The following PPP2R2B variants were observed in gnomAD, a reference collection of about 807,000 sequenced individuals.
PPP2R2B encodes serine/threonine-protein phosphatase 2A 55 kDa regulatory subunit B beta isoform.
In PPP2R2B, 5 loss-of-function variants were observed where a neutral mutation model predicts 46.0. The observed-to-expected ratio is 0.11, with a 90% CI of 0.06 to 0.23. The LOEUF (loss-of-function observed/expected upper bound fraction) is 0.23. Among genes scored for constraint, PPP2R2B ranks in the 10% least tolerant of loss-of-function variants. PPP2R2B has a pLI of 1.00. For synonymous variants in PPP2R2B, 215 were observed against 206.7 expected (o/e 1.04, Z -0.34); for missense variants, 367 against 575.0 (o/e 0.64, Z 3.70).
At chr5:146,888,715 C>G (rs1056361922) in intron 1 of PPP2R2B, among the ~76,000 whole-genome samples, 1 of 152,074 alleles carries the variant, frequency 6.6e-6, no homozygotes, top group Non-Finnish European at 1.5e-5. Flanking sequence ...ATTTCACCTC[C>G]CCTCCCACCA....
intron 6 of PPP2R2B, 67 bp downstream of exon 6, chr5:146,650,480 C>A: frequency 1.4e-6 from 2 of 1,452,498 alleles, no homozygotes; most frequent in South Asian, 2.7e-5. Flanking sequence ...ATATTTTCTC[C>A]CAGCCCACTC....
intron 2 of PPP2R2B, among the ~76,000 whole-genome samples, chr5:147,067,679 A>G (rs1757454694): frequency 6.6e-6 from 1 of 152,164 alleles, no homozygotes; most frequent in Non-Finnish European, 1.5e-5. Context: ...TTCTCTGTCT[A>G]TAAGTGGGCA....
chr5:146,856,607 T>G, intron 2 of PPP2R2B: 1 of 1,534,128 alleles, frequency 6.5e-7, no homozygotes, highest in Admixed American at 1.7e-5. Context: ...GGGGTTCAGA[T>G]CCAGACTCCA....
chr5:146,623,180 T>A (rs1293329435), intron 7 of PPP2R2B, among the ~76,000 whole-genome samples: 2 of 152,202 alleles, frequency 1.3e-5, no homozygotes, highest in Admixed American at 1.3e-4. Flanking sequence ...CACAAAAGAT[T>A]CTCAATAAAC....
intron 1 of PPP2R2B, among the ~76,000 whole-genome samples, chr5:146,928,752 A>G (rs1763870922): frequency 6.6e-6 from 1 of 152,188 alleles, no homozygotes; most frequent in Non-Finnish European, 1.5e-5. Context: ...TGAAAAATGA[A>G]GCTGATCATA....
At chr5:146,916,088 A>C (rs1763374793) in intron 1 of PPP2R2B, among the ~76,000 whole-genome samples, 1 of 152,170 alleles carries the variant, frequency 6.6e-6, no homozygotes. Context: ...AAAGAAAATA[A>C]AAAATTGTAT....
rs187437238 is a variant in PPP2R2B, at chr5:147,076,568, A to G, written c.50+4491T>C. On this transcript the variant is annotated intron_variant, in intron 2 of 10. Coordinates refer to the PPP2R2B transcript ENST00000394413. ...GTTTAAGTAATCAGAAAAATAAAAG[A>G]ATAAACATTATGTTTTTAAAAATTA... Among the ~76,000 whole-genome samples the G allele has an allele frequency of 1.9e-4, 29 of 152,342 alleles. 1 individual carries two copies. The East Asian group carries it at 1.9e-3, about 10-fold the overall frequency.
intron 1 of PPP2R2B, among the ~76,000 whole-genome samples, chr5:146,935,204 G>C (rs1054467292): frequency 6.6e-6 from 1 of 152,116 alleles, no homozygotes; most frequent in Admixed American, 6.6e-5. Flanking sequence ...TAGATCATGA[G>C]GGCAGAGCCC....
chr5:146,677,737 A>G (rs1182716027), intron 5 of PPP2R2B, among the ~76,000 whole-genome samples: 1 of 152,064 alleles, frequency 6.6e-6, no homozygotes, highest in Admixed American at 6.6e-5. Flanking sequence ...CATGTTGCCC[A>G]GGCTAGTCTT....
intron 2 of PPP2R2B, among the ~76,000 whole-genome samples, chr5:147,079,445 C>CATATATACATATATATATATATAT (rs1757903695): frequency 1.5e-5 from 2 of 132,304 alleles, no homozygotes; most frequent in African/African-American, 5.6e-5. Flanking sequence ...TATATATATA[C>CATATATACATATATATATATATAT]ATATATATAT....
At chr5:146,981,664 C>T (rs1753183274) in intron 1 of PPP2R2B, among the ~76,000 whole-genome samples, 1 of 152,122 alleles carries the variant, frequency 6.6e-6, no homozygotes, top group Admixed American at 6.6e-5. Context: ...CAAATATTGA[C>T]ATTGATACAA....
intron 8 of PPP2R2B, among the ~76,000 whole-genome samples, chr5:146,599,700 C>A (rs1771586868): frequency 6.6e-6 from 1 of 152,114 alleles, no homozygotes; most frequent in Non-Finnish European, 1.5e-5. Context: ...GCAGAACATG[C>A]AGGTTTGTTA....
At chr5:146,995,849 G>A (rs146115785) in intron 1 of PPP2R2B, among the ~76,000 whole-genome samples, 21 of 152,286 alleles carry the variant, frequency 1.4e-4, no homozygotes, top group East Asian at 5.8e-4. Flanking sequence ...CTTCTTAGAG[G>A]TAGCAGGAAT....
intron 2 of PPP2R2B, among the ~76,000 whole-genome samples, chr5:146,818,407 C>T (rs1335445791): frequency 6.6e-6 from 1 of 152,026 alleles, no homozygotes; most frequent in Non-Finnish European, 1.5e-5. Context: ...ACAATCTCTG[C>T]TCCCTCTAAC....
intron 5 of PPP2R2B, among the ~76,000 whole-genome samples, chr5:146,660,573 A>G (rs1776610082): frequency 6.6e-6 from 1 of 152,164 alleles, no homozygotes; most frequent in African/African-American, 2.4e-5. Context: ...TGTTGTTTCC[A>G]GAATGAAACT....
chr5:146,837,540 G>A (rs1759360054), intron 2 of PPP2R2B, among the ~76,000 whole-genome samples: 1 of 152,098 alleles, frequency 6.6e-6, no homozygotes, highest in Non-Finnish European at 1.5e-5. Flanking sequence ...AATAAAATGT[G>A]AGACACATAT....
chr5:146,947,873 C>T (rs1408890083), intron 1 of PPP2R2B, among the ~76,000 whole-genome samples: 1 of 151,516 alleles, frequency 6.6e-6, no homozygotes, highest in Non-Finnish European at 1.5e-5. Context: ...CCCTTGCGTT[C>T]TCTTCTTTTC....
chr5:146,987,029 A>G (rs1753463382), intron 1 of PPP2R2B, among the ~76,000 whole-genome samples: 1 of 152,140 alleles, frequency 6.6e-6, no homozygotes, highest in African/African-American at 2.4e-5. Flanking sequence ...AAAACAACAG[A>G]TAAAGGAGCT....
chr5:146,795,938 T>C (rs1386995000), intron 2 of PPP2R2B, among the ~76,000 whole-genome samples: 2 of 152,204 alleles, frequency 1.3e-5, no homozygotes, highest in African/African-American at 2.4e-5. Context: ...TTTTTATCTA[T>C]GCACATTTTT....
Sources: gnomAD v4.1 joint callset for allele counts (sites outside exome capture counted in the v4.1 genomes callset) on GRCh38, gnomAD v4.1.1 for gene constraint, MANE v1.5 for transcripts, NCBI Gene and HGNC (gene_info 2026-07-23, HGNC 2026-07-21) for gene names.